Variants in LRRC4B observed in about 807,000 individuals in gnomAD.
LRRC4B encodes the protein leucine rich repeat containing 4B.
Under a neutral mutation model 7.3 loss-of-function variants are expected in LRRC4B, and 1 was observed. That is an observed-to-expected ratio of 0.14 (90% CI 0.05 to 0.65). The LOEUF is 0.65. Among genes scored for constraint, LRRC4B ranks in the 30% least tolerant of loss-of-function variants. The probability of loss-of-function intolerance (pLI) is 0.84; values close to 1 mark genes in which losing one functional copy is unlikely to be tolerated. For missense variants in LRRC4B, 730 were observed against 1,041.6 expected (o/e 0.70, Z 4.12); for synonymous variants, 500 against 499.2 (o/e 1.00, Z -0.02).
intron 2 of LRRC4B, among the ~76,000 whole-genome samples, chr19:50,535,265 T>C (rs1376888636): frequency 6.6e-6 from 1 of 151,980 alleles, no homozygotes; most frequent in East Asian, 1.9e-4. Flanking sequence ...CTCCGCCTCC[T>C]GGGTTCAAGT....
intron 2 of LRRC4B, among the ~76,000 whole-genome samples, chr19:50,546,350 A>G (rs997883536): frequency 2.6e-5 from 4 of 151,350 alleles, no homozygotes; most frequent in African/African-American, 9.7e-5. Context: ...AAATAAATAA[A>G]TAAATACAAA....
intron 1 of LRRC4B, among the ~76,000 whole-genome samples, chr19:50,562,460 C>T (rs1007216421): frequency 4.6e-5 from 7 of 152,242 alleles, no homozygotes; most frequent in African/African-American, 9.6e-5. Flanking sequence ...CAGTTAGCTA[C>T]GATCATGGTC....
chr19:50,539,126 C>A (rs1024063251), intron 2 of LRRC4B, among the ~76,000 whole-genome samples: 1 of 152,164 alleles, frequency 6.6e-6, no homozygotes, highest in African/African-American at 2.4e-5. Context: ...GATCCACCTG[C>A]CTTGGCTTCC....
At position 50,520,000 on chromosome 19, in the gene LRRC4B, G is replaced by T. The variant is rs145384870; in HGVS notation, c.298-585C>A. Among the ~76,000 whole-genome samples, 2,123 of 151,742 alleles carry T rather than the reference G, an allele frequency of 0.014. 25 individuals are homozygous for T. Among genetic ancestry groups the T allele is most frequent in the Non-Finnish European group, 0.02 (1,372 of 67,938 alleles). On this transcript the variant is annotated intron_variant, in intron 2 of 2. Coordinates refer to ENST00000652263, the MANE Select transcript of LRRC4B (RefSeq NM_001080457.2). This position sits in a 1 kb window ranked among gnomAD's most constrained non-coding sequence, Gnocchi z 8.1. ...ACTTGAACCCAGGAGATCAAGATCA[G>T]ACTGGGCATCAGAACATAGACCCCA...
Position 50,517,804 on chromosome 19 carries a change from CGGCCGCGGCGGCCACGGACACGGCCGA to C in LRRC4B, c.1882_1908del (p.Ser628_Ala636del). The stretch of plus-strand genomic sequence containing the variant: ...CCCACACCACCCCCACTGGCCACGG[CGGCCGCGGCGGCCACGGACACGGCCGA>C]GGCGGCGGGCAGCTCGTCCTCCACG... On this transcript the variant is annotated inframe_deletion, in exon 3 of 3. Transcript: ENST00000652263. The surrounding 1 kb of genome is among the most constrained non-coding windows in gnomAD (Gnocchi z 6.6). The C allele has an allele frequency of 6.5e-7, 1 of 1,540,176 alleles. No individual in the cohort carries two copies. Among genetic ancestry groups the C allele is most frequent in the South Asian group, 1.2e-5 (1 of 80,814 alleles).
Position 50,556,998 on chromosome 19 carries a change from C to A in LRRC4B, c.-35-8125G>T, listed in dbSNP as rs568647841. Among the ~76,000 whole-genome samples the A allele has an allele frequency of 6.6e-5, 10 of 152,134 alleles. No individual in the cohort carries two copies. The South Asian group carries it at 1.2e-3, about 19-fold the overall frequency. ...ACAACGGGCTGTGACAACAGAGGGG[C>A]AGGCTCAGCTCTGGTGGGTGAAGGA... is the stretch of plus-strand genomic sequence containing the variant. On this transcript the variant is annotated intron_variant, in intron 1 of 2. Transcript: ENST00000652263. The surrounding 1 kb of genome is among the most constrained non-coding windows in gnomAD (Gnocchi z 4.2).
intron 1 of LRRC4B, among the ~76,000 whole-genome samples, chr19:50,566,227 C>T (rs1472848742): frequency 1.3e-5 from 2 of 151,936 alleles, no homozygotes; most frequent in Non-Finnish European, 1.5e-5. Context: ...GCTCCTGGAC[C>T]AGGAGGGAAG....
chr19:50,545,408 C>CAA (rs58857784), intron 2 of LRRC4B, among the ~76,000 whole-genome samples: 165 of 78,604 alleles, frequency 2.1e-3, no homozygotes, highest in African/African-American at 3.7e-3. Flanking sequence ...AACTCCATCT[C>CAA]AAAAAAAAAA....
At chr19:50,542,469 ATTTT>A (rs58092334) in intron 2 of LRRC4B, among the ~76,000 whole-genome samples, 3 of 107,236 alleles carry the variant, frequency 2.8e-5, no homozygotes, top group African/African-American at 7.7e-5. Context: ...AGAATTGCTG[ATTTT>A]TTTTTTTTTT....
intron 2 of LRRC4B, among the ~76,000 whole-genome samples, chr19:50,534,334 C>T (rs1981173351): frequency 6.6e-6 from 1 of 152,122 alleles, no homozygotes; most frequent in Admixed American, 6.5e-5. Context: ...TTGTGAGTGT[C>T]ATCACCCTCA....
Position 50,555,185 on chromosome 19 carries a change from C to A in LRRC4B, c.-35-6312G>T, listed in dbSNP as rs555146366. Among the ~76,000 whole-genome samples, 1 of 152,234 alleles carries A rather than the reference C, an allele frequency of 6.6e-6. No homozygotes were observed. Among genetic ancestry groups the A allele is most frequent in the African/African-American group, 2.4e-5 (1 of 41,458 alleles). The stretch of plus-strand genomic sequence containing the variant: ...TCCTCAAGCTGCTGGCTTCTCCCCA[C>A]GGCCCTGGGAGGAAGGGATGGTTCT... On this transcript the variant is annotated intron_variant, in intron 1 of 2. Coordinates refer to ENST00000652263, the MANE Select transcript of LRRC4B (RefSeq NM_001080457.2). This position sits in a 1 kb window ranked among gnomAD's most constrained non-coding sequence, Gnocchi z 5.2.
chr19:50,526,089 A>G (rs995063598), intron 2 of LRRC4B, among the ~76,000 whole-genome samples: 5 of 151,870 alleles, frequency 3.3e-5, no homozygotes, highest in Admixed American at 2.6e-4. Context: ...GCCCTTCACA[A>G]TCCTCCCAGG....
At chr19:50,540,080 AT>A (rs1804421129) in intron 2 of LRRC4B, among the ~76,000 whole-genome samples, 1 of 152,168 alleles carries the variant, frequency 6.6e-6, no homozygotes, top group African/African-American at 2.4e-5. Flanking sequence ...TCCTATTCAC[AT>A]TCTTTGAAAG....
rs1191653308 is a variant in LRRC4B at position 50,539,480 on chromosome 19, TTC to T, written c.297+9060_297+9061del. ...CAGATAAATGCTTTGAAATTTTTGTTTCTTTTTCCTCATTTAGGAAAAGGTGA... is the reference window on the plus strand; with the variant it reads ...CAGATAAATGCTTTGAAATTTTTGTTTTTTTCCTCATTTAGGAAAAGGTGA... On this transcript the variant is annotated intron_variant, in intron 2 of 2. Coordinates refer to ENST00000652263, the MANE Select transcript of LRRC4B (RefSeq NM_001080457.2). Among the ~76,000 whole-genome samples, 12 of 152,340 alleles carry T rather than the reference TTC, an allele frequency of 7.9e-5. No homozygotes were observed. In the East Asian group the frequency reaches 2.3e-3, roughly 29 times the overall value.
chr19:50,526,856 CTT>C (rs34995756), intron 2 of LRRC4B, among the ~76,000 whole-genome samples: 36 of 138,434 alleles, frequency 2.6e-4, no homozygotes, highest in Middle Eastern at 3.8e-3. Flanking sequence ...TTATCTTTTA[CTT>C]TTTTTTTTTT....
At chr19:50,545,304 A>T (rs1215924451) in intron 2 of LRRC4B, among the ~76,000 whole-genome samples, 1 of 150,184 alleles carries the variant, frequency 6.7e-6, no homozygotes, top group East Asian at 2.0e-4. Flanking sequence ...CTACTCAAGA[A>T]GGCTGAGGCA....
intron 1 of LRRC4B, among the ~76,000 whole-genome samples, chr19:50,565,067 GGC>G (rs1982585304): frequency 6.6e-6 from 1 of 152,196 alleles, no homozygotes; most frequent in Non-Finnish European, 1.5e-5. Context: ...GGAGCCCCGT[GGC>G]GAGAGGAACA....
rs1448166624 is a variant in LRRC4B at position 50,563,270 on chromosome 19, C to T, written c.-36+4674G>A. On this transcript the variant is annotated intron_variant, in intron 1 of 2. Transcript: ENST00000652263. The surrounding 1 kb of genome is among the most constrained non-coding windows in gnomAD (Gnocchi z 4.9). ...CCAGGCAACAAGGGGCATCCTGCCA[C>T]TCTCCTTACTCTCCTGCCACCCCCT... Among the ~76,000 whole-genome samples, 1 of 152,236 alleles carries T rather than the reference C, an allele frequency of 6.6e-6. No individual in the cohort carries two copies. The highest frequency in any genetic ancestry group is 1.5e-5 in the Non-Finnish European group (1 of 68,034).
In LRRC4B at chr19:50,563,004, T is replaced by C. The variant is rs1045995714; in HGVS notation, c.-36+4940A>G. ...ATCCACCCGCCTCAGCCTCCCAAAG[T>C]GTTGAGACGGCGTGAGCCACCATGC... On this transcript the variant is annotated intron_variant, in intron 1 of 2. Transcript: ENST00000652263. This position sits in a 1 kb window ranked among gnomAD's most constrained non-coding sequence, Gnocchi z 4.9. 1.3e-5 allele frequency among the ~76,000 whole-genome samples: 2 copies of C among 152,074 alleles called. No individual in the cohort carries two copies. Among genetic ancestry groups the C allele is most frequent in the Non-Finnish European group, 2.9e-5 (2 of 68,004 alleles).
Sources: allele counts gnomAD v4.1 joint callset (sites outside exome capture counted in the v4.1 genomes callset), GRCh38; gene constraint gnomAD v4.1.1; non-coding constraint Gnocchi (gnomAD v3.1); transcripts MANE v1.5; gene names NCBI Gene and HGNC (gene_info 2026-07-23, HGNC 2026-07-21).